SMC5: variants seen among roughly 807,000 people sequenced by gnomAD.
SMC5 encodes the protein structural maintenance of chromosomes protein 5.
In SMC5, 88 loss-of-function variants were observed where a neutral mutation model predicts 148.3. The observed-to-expected ratio is 0.59, with a 90% CI of 0.50 to 0.71. The LOEUF (loss-of-function observed/expected upper bound fraction) is 0.71. Ranked by LOEUF, SMC5 falls within the 30% of genes least tolerant of loss-of-function variation. The pLI is 0.00. For missense variants in SMC5, 1,142 were observed against 1,298.9 expected (o/e 0.88, Z 1.86); for synonymous variants, 421 against 432.8 (o/e 0.97, Z 0.34).
intron 3 of SMC5, among the ~76,000 whole-genome samples, chr9:70,268,414 C>T (rs2118011917): frequency 6.6e-6 from 1 of 152,196 alleles, no homozygotes; most frequent in Admixed American, 6.5e-5. Context: ...CCACTGCACT[C>T]CAGCCTGGGA....
At chr9:70,347,782 G>A (rs1224814253) in intron 21 of SMC5, 65 bp downstream of exon 21, 2 of 1,274,708 alleles carry the variant, frequency 1.6e-6, no homozygotes, top group Non-Finnish European at 2.2e-6. Context: ...GTAGAATAAT[G>A]GAAAATGAGA....
chr9:70,270,035 A>C (rs2034400143), intron 3 of SMC5, among the ~76,000 whole-genome samples: 1 of 152,198 alleles, frequency 6.6e-6, no homozygotes, highest in Non-Finnish European at 1.5e-5. Context: ...ATTCAGTTCA[A>C]TTCTGACACT....
chr9:70,293,073 A>G (rs952396398), intron 8 of SMC5, among the ~76,000 whole-genome samples: 3 of 152,086 alleles, frequency 2.0e-5, no homozygotes, highest in Non-Finnish European at 2.9e-5. Context: ...ATTGATGTTT[A>G]TATACTTTAA....
At chr9:70,260,093 C>T (rs966679513) in intron 1 of SMC5, among the ~76,000 whole-genome samples, 3 of 151,836 alleles carry the variant, frequency 2.0e-5, no homozygotes, top group African/African-American at 7.3e-5. Flanking sequence ...TACAGGCGCG[C>T]GCCACCACGC....
chr9:70,349,180 C>T (rs779447836), intron 22 of SMC5, among the ~76,000 whole-genome samples: 2 of 152,222 alleles, frequency 1.3e-5, no homozygotes, highest in African/African-American at 2.4e-5. Context: ...TATTCTTCGG[C>T]TTCAGACTCC....
chr9:70,315,868 A>G (rs559810284), intron 13 of SMC5, among the ~76,000 whole-genome samples: 1 of 152,178 alleles, frequency 6.6e-6, no homozygotes, highest in Admixed American at 6.5e-5. Flanking sequence ...CACTAACCTG[A>G]TTCTGCCTTG....
At chr9:70,323,915 A>G in intron 16 of SMC5, 106 bp from the exon 17 acceptor site, 1 of 1,115,134 alleles carries the variant, frequency 9.0e-7, no homozygotes, top group Non-Finnish European at 1.2e-6. Context: ...CACAATAGGA[A>G]AATTATTTTT....
rs888522623 is a variant in SMC5 at position 70,354,664 on chromosome 9, C to T, written c.*2333C>T. 6.6e-6 allele frequency: 1 copy of T among 152,164 alleles called. No individual in the cohort carries two copies. The highest frequency in any genetic ancestry group is 2.4e-5 in the African/African-American group (1 of 41,440). 9.4% of individuals were successfully genotyped at this position (152,164 alleles called of 1,614,324 possible). A position where few individuals can be genotyped will look rare whatever the true frequency, so the allele number is the denominator to read the frequency against. On this transcript the variant is annotated 3_prime_UTR_variant, in exon 25 of 25. Transcript: ENST00000361138. The stretch of plus-strand genomic sequence containing the variant: ...CTTCATTGGTTTGCCTGGAAAGAGT[C>T]TCTGTTAAAAGATTTTCCATATTCA...
intron 11 of SMC5, among the ~76,000 whole-genome samples, chr9:70,313,777 G>T (rs1274842255): frequency 6.6e-6 from 1 of 152,110 alleles, no homozygotes; most frequent in African/African-American, 2.4e-5. Context: ...TGCGATTACA[G>T]GTGTAAGCCA....
intron 13 of SMC5, among the ~76,000 whole-genome samples, chr9:70,318,005 T>C (rs1488973059): frequency 6.7e-6 from 1 of 149,782 alleles, no homozygotes; most frequent in Non-Finnish European, 1.5e-5. Context: ...CAAAACTACT[T>C]GGGAGAGTTG....
chr9:70,331,861 G>A (rs528626528), intron 17 of SMC5, among the ~76,000 whole-genome samples: 9 of 152,264 alleles, frequency 5.9e-5, no homozygotes, highest in African/African-American at 1.9e-4. Flanking sequence ...ACAACAGGCA[G>A]CACAGGACAG....
At chr9:70,309,342 T>C (rs945075736) in intron 11 of SMC5, among the ~76,000 whole-genome samples, 44 of 107,828 alleles carry the variant, frequency 4.1e-4, no homozygotes, top group Non-Finnish European at 7.0e-4. Flanking sequence ...TTTTTTTTTT[T>C]TTTTTTTGGG....
At chr9:70,267,534 T>G (rs1422195320) in intron 2 of SMC5, among the ~76,000 whole-genome samples, 1 of 152,176 alleles carries the variant, frequency 6.6e-6, no homozygotes, top group Non-Finnish European at 1.5e-5. Flanking sequence ...GCTTAGTGGT[T>G]ATACTATAGG....
rs868043165 is a variant in SMC5 at position 70,344,174 on chromosome 9, CAG to C, written c.2432_2433del (p.Arg811IlefsTer13). 2.6e-6 allele frequency: 4 copies of C among 1,549,282 alleles called. No homozygotes were observed. The highest frequency in any genetic ancestry group is 1.7e-4 in the Middle Eastern group (1 of 5,854). On this transcript the variant is annotated frameshift_variant, in exon 18 of 25. Transcript: ENST00000361138. LOFTEE classifies it high-confidence loss of function. ...TTTCATTGAATTGGATGAAAATAGA[CAG>C]AGATTATTGCAGAAATGCAAGGAAC... ...QHFIELDENR[Q>X]RLLQKCKELM...
At chr9:70,294,589 G>C (rs1242242311) in intron 8 of SMC5, among the ~76,000 whole-genome samples, 1 of 152,150 alleles carries the variant, frequency 6.6e-6, no homozygotes, top group Non-Finnish European at 1.5e-5. Context: ...TCAAAAGATA[G>C]AGTAGGAATA....
chr9:70,289,654 A>G (rs971769995), intron 8 of SMC5, among the ~76,000 whole-genome samples: 1 of 151,924 alleles, frequency 6.6e-6, no homozygotes, highest in Non-Finnish European at 1.5e-5. Flanking sequence ...GCTGTTAACC[A>G]AGGTTTTCTC....
chr9:70,293,251 G>A (rs2035111673), intron 8 of SMC5, among the ~76,000 whole-genome samples: 1 of 152,004 alleles, frequency 6.6e-6, no homozygotes, highest in African/African-American at 2.4e-5. Context: ...ATTTATGTAT[G>A]CATAAATTCT....
At chr9:70,285,316 A>G (rs2034865695) in intron 7 of SMC5, among the ~76,000 whole-genome samples, 1 of 152,222 alleles carries the variant, frequency 6.6e-6, no homozygotes, top group Non-Finnish European at 1.5e-5. Context: ...GTCCTCCCCC[A>G]GAGAAATCAC....
At position 70,318,881 on chromosome 9, in the gene SMC5, C is replaced by A. The variant is rs764515103; in HGVS notation, c.2068C>A (p.Leu690Ile). 1 of 1,612,018 alleles carries A rather than the reference C, an allele frequency of 6.2e-7. No individual in the cohort carries two copies. Among genetic ancestry groups the A allele is most frequent in the African/African-American group, 1.3e-5 (1 of 74,758 alleles). The change falls in exon 15 of 25, where the codon CTT (leucine) becomes ATT (isoleucine). Residue 690 changes from leucine (L) to isoleucine (I), a missense_variant. By Grantham distance (5) the Leu-to-Ile change is conservative. Transcript: ENST00000361138. ...SKHLEHKDNE[L>I]RQKKKELLER... Reference sequence around the variant, plus strand: ...ACATCTGGAGCACAAAGACAATGAACTTAGACAAAAGAAGAAGGAGCTTCT... The same window carrying A: ...ACATCTGGAGCACAAAGACAATGAAATTAGACAAAAGAAGAAGGAGCTTCT...
Sources: allele counts gnomAD v4.1 joint callset (sites outside exome capture counted in the v4.1 genomes callset), GRCh38; gene constraint gnomAD v4.1.1; transcripts MANE v1.5; gene names NCBI Gene and HGNC (gene_info 2026-07-23, HGNC 2026-07-21).